KCNMA1: variants seen among roughly 807,000 people sequenced by gnomAD.
KCNMA1 encodes the protein Calcium-activated potassium channel subunit alpha-1.
KCNMA1 carries 29 observed loss-of-function variants against 140.0 expected under a neutral mutation model. That is an observed-to-expected ratio of 0.21 (90% CI 0.15 to 0.28). The LOEUF is 0.28. Ranked by LOEUF, KCNMA1 falls within the 10% of genes least tolerant of loss-of-function variation. The pLI, the probability that KCNMA1 is intolerant of heterozygous loss-of-function variation, is 1.00. For synonymous variants in KCNMA1, 612 were observed against 611.9 expected (o/e 1.00, Z 0.00); for missense variants, 880 against 1,602.2 (o/e 0.55, Z 7.70).
intron 27 of KCNMA1, among the ~76,000 whole-genome samples, chr10:76,889,092 A>C (rs1277005478): frequency 1.3e-5 from 2 of 152,068 alleles, no homozygotes; most frequent in Non-Finnish European, 2.9e-5. Context: ...AAAAAACAAA[A>C]AAACTTATCT....
chr10:77,378,785 C>T (rs1290812035), intron 2 of KCNMA1, among the ~76,000 whole-genome samples: 1 of 152,184 alleles, frequency 6.6e-6, no homozygotes, highest in Non-Finnish European at 1.5e-5. Flanking sequence ...GGTGCAATCT[C>T]ACAGGACTGG....
intron 3 of KCNMA1, among the ~76,000 whole-genome samples, chr10:77,235,526 G>T (rs1053589978): frequency 6.6e-6 from 1 of 152,124 alleles, no homozygotes; most frequent in African/African-American, 2.4e-5. Context: ...TATGCCCAAG[G>T]TCACTCACCC....
chr10:77,439,647 G>C (rs1007088072), intron 1 of KCNMA1, among the ~76,000 whole-genome samples: 1 of 152,188 alleles, frequency 6.6e-6, no homozygotes, highest in Non-Finnish European at 1.5e-5. Context: ...AAGTGGCCAG[G>C]GGACAGCAGG....
Position 76,870,159 on chromosome 10 carries a change from G to T in KCNMA1, c.*7710C>A, listed in dbSNP as rs183607551. 1.9e-3 allele frequency: 290 copies of T among 152,882 alleles called. 2 individuals carry two copies. The highest frequency in any genetic ancestry group is 4.8e-4 in the Non-Finnish European group (33 of 68,130). 9.5% of individuals were successfully genotyped at this position (152,882 alleles called of 1,614,324 possible). ...AGGGGAGGAGAGCGAGCGCTCTGGG[G>T]CAGATGGGACTCTGGTTTTGTGTGG... On this transcript the variant is annotated 3_prime_UTR_variant, in exon 28 of 28. Transcript: ENST00000604624.
chr10:77,087,962 T>C (rs1323525947), intron 10 of KCNMA1, among the ~76,000 whole-genome samples: 4 of 151,460 alleles, frequency 2.6e-5, no homozygotes, highest in Admixed American at 2.6e-4. Context: ...AAATAAATAA[T>C]ATTTATTTAT....
chr10:77,603,937 T>A, intron 1 of KCNMA1, among the ~76,000 whole-genome samples: 1 of 152,220 alleles, frequency 6.6e-6, no homozygotes, highest in East Asian at 1.9e-4. Flanking sequence ...ATGAGGTTAA[T>A]GACATTTCCT....
At chr10:77,251,053 A>G (rs1371906529) in intron 3 of KCNMA1, 142 bp downstream of exon 3, 1 of 723,004 alleles carries the variant, frequency 1.4e-6, no homozygotes, top group Non-Finnish European at 2.5e-6. Flanking sequence ...GAAAATCAGT[A>G]CAGTACAGCA....
At chr10:77,620,087 C>T (rs1204955013) in intron 1 of KCNMA1, among the ~76,000 whole-genome samples, 1 of 152,222 alleles carries the variant, frequency 6.6e-6, no homozygotes, top group African/African-American at 2.4e-5. Context: ...TGGCTCCTGA[C>T]CGTGAGGGGT....
chr10:76,933,281 C>A (rs1175067165), intron 23 of KCNMA1, among the ~76,000 whole-genome samples: 1 of 152,140 alleles, frequency 6.6e-6, no homozygotes, highest in Admixed American at 6.5e-5. Context: ...TGTATCCATC[C>A]CCTCCACAAA....
chr10:76,925,633 A>G (rs991583060), intron 23 of KCNMA1, among the ~76,000 whole-genome samples: 5 of 152,176 alleles, frequency 3.3e-5, no homozygotes, highest in African/African-American at 1.2e-4. Context: ...CTTTTTCATT[A>G]TAAACAGTTT....
At chr10:77,440,772 G>C (rs10824545) in intron 1 of KCNMA1, among the ~76,000 whole-genome samples, 1 of 152,000 alleles carries the variant, frequency 6.6e-6, no homozygotes, top group Non-Finnish European at 1.5e-5. Flanking sequence ...TTGAACAGGA[G>C]AGAGTAGGGC....
chr10:76,969,787 T>C (rs1331416556), intron 20 of KCNMA1, among the ~76,000 whole-genome samples, 187 bp downstream of exon 20: 1 of 152,208 alleles, frequency 6.6e-6, no homozygotes, highest in African/African-American at 2.4e-5. Context: ...GCTCTATCAT[T>C]AACTGCTGAC....
At position 77,114,873 on chromosome 10, in the gene KCNMA1, G is replaced by T. The variant is rs188650076; in HGVS notation, c.885-2431C>A. On this transcript the variant is annotated intron_variant, in intron 6 of 27. Coordinates refer to ENST00000286628, the MANE Select transcript of KCNMA1 (RefSeq NM_001161352.2). ...AGTAGTGGCTTAATGCAGCCTACAGGGTTGCCCAACCCATTAGTTTTGGTC... is the reference window on the plus strand; with the variant it reads ...AGTAGTGGCTTAATGCAGCCTACAGTGTTGCCCAACCCATTAGTTTTGGTC... 1.8e-4 allele frequency among the ~76,000 whole-genome samples: 27 copies of T among 152,292 alleles called. 1 individual carries two copies. The highest frequency in any genetic ancestry group is 6.5e-4 in the African/African-American group (27 of 41,562).
At chr10:77,250,903 T>G (rs2059543160) in intron 3 of KCNMA1, 1 of 388,436 alleles carries the variant, frequency 2.6e-6, no homozygotes, top group African/African-American at 2.0e-5. Context: ...ACTTGACATC[T>G]TCAGTGCAAA....
intron 2 of KCNMA1, among the ~76,000 whole-genome samples, chr10:77,350,151 G>A (rs184103998): frequency 1.2e-3 from 189 of 152,240 alleles, no homozygotes; most frequent in African/African-American, 2.0e-3. Context: ...CACCAGCCAC[G>A]GCCTCCCAAA....
At chr10:76,990,933 C>T (rs1045661023) in intron 19 of KCNMA1, among the ~76,000 whole-genome samples, 1 of 152,186 alleles carries the variant, frequency 6.6e-6, no homozygotes, top group African/African-American at 2.4e-5. Context: ...ATAATGGCTC[C>T]TAATAGGTAA....
chr10:76,906,573 AC>A (rs1256668414), intron 25 of KCNMA1, among the ~76,000 whole-genome samples: 1 of 152,234 alleles, frequency 6.6e-6, no homozygotes, highest in Non-Finnish European at 1.5e-5. Flanking sequence ...TGATTAAATG[AC>A]AATTTGGGGA....
intron 6 of KCNMA1, among the ~76,000 whole-genome samples, chr10:77,115,290 C>T (rs1197932304): frequency 1.3e-5 from 2 of 152,222 alleles, no homozygotes; most frequent in African/African-American, 2.4e-5. Context: ...TCCATTCTGT[C>T]TCTCTTGGTC....
At chr10:77,005,206 AC>A (rs2088021419) in intron 18 of KCNMA1, among the ~76,000 whole-genome samples, 1 of 152,272 alleles carries the variant, frequency 6.6e-6, no homozygotes, top group African/African-American at 2.4e-5. Flanking sequence ...CAGAAAGAGG[AC>A]CCTGCTGTCT....
Sources: allele counts gnomAD v4.1 joint callset (sites outside exome capture counted in the v4.1 genomes callset), GRCh38; gene constraint gnomAD v4.1.1; transcripts MANE v1.5; gene names NCBI Gene and HGNC (gene_info 2026-07-23, HGNC 2026-07-21).